Variants in OTUD7A observed in about 807,000 individuals in gnomAD.
OTUD7A encodes OTU deubiquitinase 7A.
Under a neutral mutation model 65.7 loss-of-function variants are expected in OTUD7A, and 12 were observed. The observed-to-expected ratio is 0.18, with a 90% CI of 0.12 to 0.30. OTUD7A has a LOEUF of 0.30. OTUD7A is among the 10% of genes least tolerant of loss of function. OTUD7A has a pLI of 1.00. For missense variants in OTUD7A, 1,148 were observed against 1,304.8 expected (o/e 0.88, Z 1.85); for synonymous variants, 641 against 586.3 (o/e 1.09, Z -1.35).
chr15:31,729,997 G>A (rs1893996856), intron 1 of OTUD7A, among the ~76,000 whole-genome samples: 1 of 152,088 alleles, frequency 6.6e-6, no homozygotes, highest in Non-Finnish European at 1.5e-5. Flanking sequence ...TTCATATATT[G>A]AAACCCTAGC....
At chr15:31,515,945 T>A (rs974726511) in intron 8 of OTUD7A, among the ~76,000 whole-genome samples, 2 of 140,922 alleles carry the variant, frequency 1.4e-5, no homozygotes, top group Non-Finnish European at 3.1e-5. Context: ...CATCCATCCA[T>A]CCATCCATCC....
intron 1 of OTUD7A, among the ~76,000 whole-genome samples, chr15:31,771,868 A>G (rs1895243800): frequency 6.6e-6 from 1 of 152,096 alleles, no homozygotes; most frequent in Non-Finnish European, 1.5e-5. Context: ...GTGCTCATCC[A>G]TGTTGTCTTG....
At chr15:31,591,177 C>A (rs1889712255) in intron 3 of OTUD7A, among the ~76,000 whole-genome samples, 1 of 152,000 alleles carries the variant, frequency 6.6e-6, no homozygotes. Flanking sequence ...TGCAAAACCA[C>A]CATCTGCATA....
At chr15:31,739,639 C>A (rs1233056428) in intron 1 of OTUD7A, among the ~76,000 whole-genome samples, 2 of 152,112 alleles carry the variant, frequency 1.3e-5, no homozygotes, top group Non-Finnish European at 2.9e-5. Flanking sequence ...GTTGCCCAGG[C>A]TGGAGTGCAG....
At chr15:31,489,583 T>G (rs564679289) in intron 10 of OTUD7A, among the ~76,000 whole-genome samples, 12 of 152,154 alleles carry the variant, frequency 7.9e-5, no homozygotes, top group Non-Finnish European at 1.6e-4. Context: ...GGTGATGTGC[T>G]CAGGCATGGG....
intron 1 of OTUD7A, among the ~76,000 whole-genome samples, chr15:31,809,891 T>C (rs1000463043): frequency 2.0e-5 from 3 of 152,274 alleles, no homozygotes; most frequent in African/African-American, 7.2e-5. Flanking sequence ...TTCCTGTGTA[T>C]AACTATTTCT....
At chr15:31,549,461 G>C (rs1165683179) in intron 5 of OTUD7A, among the ~76,000 whole-genome samples, 2 of 152,150 alleles carry the variant, frequency 1.3e-5, no homozygotes, top group African/African-American at 2.4e-5. Context: ...TGACTCCGAC[G>C]GGATGTCACT....
intron 5 of OTUD7A, among the ~76,000 whole-genome samples, chr15:31,545,846 A>G (rs1888114394): frequency 6.6e-6 from 1 of 152,188 alleles, no homozygotes; most frequent in African/African-American, 2.4e-5. Flanking sequence ...TGTAAATCCT[A>G]TGATCCAGCA....
At chr15:31,762,504 G>T (rs1894993268) in intron 1 of OTUD7A, among the ~76,000 whole-genome samples, 1 of 152,248 alleles carries the variant, frequency 6.6e-6, no homozygotes, top group Non-Finnish European at 1.5e-5. Flanking sequence ...GTAAAGGGAG[G>T]TGTGATCTTC....
chr15:31,755,813 G>A (rs1028601104), intron 1 of OTUD7A, among the ~76,000 whole-genome samples: 3 of 152,184 alleles, frequency 2.0e-5, no homozygotes, highest in Non-Finnish European at 2.9e-5. Flanking sequence ...CTACCTTCGA[G>A]CTTTGGCCTT....
intron 3 of OTUD7A, among the ~76,000 whole-genome samples, chr15:31,646,406 TTC>T (rs754891007): frequency 2.0e-5 from 3 of 151,710 alleles, no homozygotes; most frequent in African/African-American, 2.4e-5. Context: ...CTTTCTCTCT[TTC>T]TCTCTCTCTC....
intron 1 of OTUD7A, among the ~76,000 whole-genome samples, chr15:31,699,330 C>T (rs1250621261): frequency 6.6e-6 from 1 of 152,152 alleles, no homozygotes; most frequent in Admixed American, 6.6e-5. Flanking sequence ...CCGCCCGCCT[C>T]GGCCTCCCAA....
rs983966291 is a variant in OTUD7A, at chr15:31,870,578, C to G, written c.-171G>C. 1 of 148,278 alleles carries G rather than the reference C, an allele frequency of 6.7e-6. No individual in the cohort carries two copies. The highest frequency in any genetic ancestry group is 1.5e-5 in the Non-Finnish European group (1 of 66,638). 9.2% of individuals were successfully genotyped at this position (148,278 alleles called of 1,614,324 possible). A position where few individuals can be genotyped will look rare whatever the true frequency, so the allele number is the denominator to read the frequency against. On this transcript the variant is annotated 5_prime_UTR_variant, in exon 1 of 13. Transcript: ENST00000307050. ...CGCCGCTACCCGACTTCCATTTTCT[C>G]TCGCTTTAAAGGAAAACCAGATCAG...
intron 1 of OTUD7A, among the ~76,000 whole-genome samples, chr15:31,869,588 G>A (rs1259655503): frequency 6.6e-6 from 1 of 152,154 alleles, no homozygotes; most frequent in Non-Finnish European, 1.5e-5. Flanking sequence ...TGGATGAAGC[G>A]TTTCCCTGAT....
chr15:31,634,502 G>A (rs774885901), intron 3 of OTUD7A, among the ~76,000 whole-genome samples: 78 of 152,262 alleles, frequency 5.1e-4, no homozygotes, highest in Middle Eastern at 6.8e-3. Flanking sequence ...GTGTTCTGCC[G>A]GGATGTTCTC....
At chr15:31,646,141 G>T (rs60011586) in intron 3 of OTUD7A, among the ~76,000 whole-genome samples, 25,777 of 151,340 alleles carry the variant, frequency 0.17, 2,476 homozygotes, top group East Asian at 0.25. Context: ...TCCCTCTTCA[G>T]CTTACGCCCA....
At chr15:31,819,503 G>C (rs1211743199) in intron 1 of OTUD7A, among the ~76,000 whole-genome samples, 1 of 152,172 alleles carries the variant, frequency 6.6e-6, no homozygotes, top group African/African-American at 2.4e-5. Flanking sequence ...TGACTAGTGT[G>C]ATCTATATAT....
chr15:31,576,786 A>C (rs1478632574), intron 3 of OTUD7A, among the ~76,000 whole-genome samples: 1 of 152,362 alleles, frequency 6.6e-6, no homozygotes, highest in South Asian at 2.1e-4. Flanking sequence ...ATAAAAGTTA[A>C]ACTGTGTATA....
chr15:31,682,752 G>A (rs946436397), intron 1 of OTUD7A, among the ~76,000 whole-genome samples: 4 of 152,202 alleles, frequency 2.6e-5, no homozygotes, highest in Non-Finnish European at 4.4e-5. Context: ...GTGTGAGCAT[G>A]TGCATGCATG....
Sources: gnomAD v4.1 joint callset for allele counts (sites outside exome capture counted in the v4.1 genomes callset) on GRCh38, gnomAD v4.1.1 for gene constraint, MANE v1.5 for transcripts, NCBI Gene and HGNC (gene_info 2026-07-23, HGNC 2026-07-21) for gene names.